Variants in LPXN observed in about 807,000 individuals in gnomAD.
LPXN encodes the protein leupaxin.
Under a neutral mutation model 45.6 loss-of-function variants are expected in LPXN, and 28 were observed. That is an observed-to-expected ratio of 0.61 (90% CI 0.45 to 0.84). The LOEUF (loss-of-function observed/expected upper bound fraction) is 0.84. Among genes scored for constraint, LPXN ranks in the 40% least tolerant of loss-of-function variants. The probability of loss-of-function intolerance (pLI) is 0.00; values close to 1 mark genes in which losing one functional copy is unlikely to be tolerated. For synonymous variants in LPXN, 166 were observed against 169.9 expected (o/e 0.98, Z 0.18); for missense variants, 459 against 475.0 (o/e 0.97, Z 0.31).
chr11:58,577,436 G>T (rs1854929686), upstream of LPXN, among the ~76,000 whole-genome samples: 2 of 152,202 alleles, frequency 1.3e-5, no homozygotes, highest in Non-Finnish European at 2.9e-5. Context: ...TGATTAATGT[G>T]AAATTTAAAA....
At chr11:58,543,452 G>C (rs904446721) in intron 7 of LPXN, among the ~76,000 whole-genome samples, 1 of 152,142 alleles carries the variant, frequency 6.6e-6, no homozygotes, top group Non-Finnish European at 1.5e-5. Context: ...CTAAAATGAA[G>C]ACTATATTAT....
intron 3 of LPXN, among the ~76,000 whole-genome samples, chr11:58,562,818 G>A (rs968171915): frequency 1.3e-5 from 2 of 152,218 alleles, no homozygotes; most frequent in East Asian, 3.9e-4. Flanking sequence ...CTTGTGGGGG[G>A]GAAATGCCCT....
intron 7 of LPXN, among the ~76,000 whole-genome samples, chr11:58,539,823 T>C (rs1376281335): frequency 1.3e-5 from 2 of 152,156 alleles, no homozygotes; most frequent in African/African-American, 4.8e-5. Context: ...TAACTGATGA[T>C]AGAAAGTTTT....
At chr11:58,527,990 AGAG>A (rs1853277597) in intron 8 of LPXN, 50 bp downstream of exon 8, 1 of 1,575,012 alleles carries the variant, frequency 6.3e-7, no homozygotes, top group African/African-American at 1.4e-5. Context: ...TTCCTCTCAG[AGAG>A]GAGAACCCTT....
intron 7 of LPXN, among the ~76,000 whole-genome samples, chr11:58,536,544 A>G (rs1853559633): frequency 6.6e-6 from 1 of 152,202 alleles, no homozygotes; most frequent in Non-Finnish European, 1.5e-5. Context: ...AAGACCTAAA[A>G]CCATAAAATT....
chr11:58,577,907 A>T, upstream of LPXN: 3 of 1,210,884 alleles, frequency 2.5e-6, no homozygotes, highest in Non-Finnish European at 3.4e-6. Context: ...AGATTTGATT[A>T]AGAGCCAACT....
intron 7 of LPXN, among the ~76,000 whole-genome samples, chr11:58,537,595 C>T (rs954220538): frequency 1.3e-5 from 2 of 151,878 alleles, no homozygotes; most frequent in African/African-American, 4.8e-5. Context: ...ACCACCATGG[C>T]ACGTGTATAC....
At chr11:58,578,639 G>A (rs532167368), upstream of LPXN, among the ~76,000 whole-genome samples, 1 of 152,192 alleles carries the variant, frequency 6.6e-6, no homozygotes, top group Non-Finnish European at 1.5e-5. Context: ...TAGGGTGGAG[G>A]CGGAAGAACG....
chr11:58,529,816 G>C (rs956981287), intron 7 of LPXN, among the ~76,000 whole-genome samples: 3 of 152,160 alleles, frequency 2.0e-5, no homozygotes, highest in African/African-American at 7.2e-5. Context: ...GGTGATTTCT[G>C]CATTTCCAAC....
intron 3 of LPXN, among the ~76,000 whole-genome samples, chr11:58,560,575 C>T (rs1332789890): frequency 6.6e-6 from 1 of 152,108 alleles, no homozygotes; most frequent in South Asian, 2.1e-4. Context: ...TCTTCTGCAA[C>T]CATAATAGGT....
At chr11:58,573,218 C>A (rs1412130023) in intron 1 of LPXN, among the ~76,000 whole-genome samples, 1 of 146,894 alleles carries the variant, frequency 6.8e-6, no homozygotes, top group Non-Finnish European at 1.5e-5. Context: ...TGCACTCCAG[C>A]CTGGGCAACA....
chr11:58,548,412 A>C (rs1853937933), intron 7 of LPXN, among the ~76,000 whole-genome samples: 1 of 152,014 alleles, frequency 6.6e-6, no homozygotes. Context: ...ATGTTGAATC[A>C]GGAGGAGGAA....
At chr11:58,553,823 T>C (rs934138723) in intron 4 of LPXN, 4 of 152,298 alleles carry the variant, frequency 2.6e-5, no homozygotes, top group Admixed American at 2.0e-4. Context: ...TTATCTGAGA[T>C]TTCCATTCCA....
At chr11:58,564,049 G>A (rs761493448) in intron 3 of LPXN, 106 bp downstream of exon 3, 2 of 698,726 alleles carry the variant, frequency 2.9e-6, no homozygotes, top group Non-Finnish European at 5.0e-6. Context: ...TGATATACGA[G>A]TTCTAATAAT....
chr11:58,566,334 T>A (rs1221647624), intron 2 of LPXN, among the ~76,000 whole-genome samples: 1 of 152,180 alleles, frequency 6.6e-6, no homozygotes, highest in Non-Finnish European at 1.5e-5. Flanking sequence ...AATCTTCTCA[T>A]TTTTTAGATT....
intron 7 of LPXN, among the ~76,000 whole-genome samples, chr11:58,535,641 T>C (rs571086841): frequency 7.9e-5 from 12 of 152,340 alleles, no homozygotes; most frequent in African/African-American, 2.9e-4. Context: ...ACCACTCATA[T>C]TCAACATAGT....
intron 3 of LPXN, among the ~76,000 whole-genome samples, chr11:58,563,117 C>T (rs1341668006): frequency 6.6e-6 from 1 of 152,196 alleles, no homozygotes; most frequent in African/African-American, 2.4e-5. Context: ...CATTCACTCG[C>T]ATTTCTACTG....
intron 7 of LPXN, among the ~76,000 whole-genome samples, chr11:58,530,441 A>G (rs1853353412): frequency 6.6e-6 from 1 of 152,200 alleles, no homozygotes; most frequent in Non-Finnish European, 1.5e-5. Flanking sequence ...CAGAAGATCA[A>G]ACTGGGTGGA....
intron 1 of LPXN, among the ~76,000 whole-genome samples, chr11:58,574,990 TGTTA>T (rs2134367351): frequency 6.6e-6 from 1 of 152,332 alleles, no homozygotes; most frequent in East Asian, 1.9e-4. Context: ...AGTGACTCAG[TGTTA>T]GTTAAGATGC....
Sources: gnomAD v4.1 joint callset for allele counts (sites outside exome capture counted in the v4.1 genomes callset) on GRCh38, gnomAD v4.1.1 for gene constraint, MANE v1.5 for transcripts, NCBI Gene and HGNC (gene_info 2026-07-23, HGNC 2026-07-21) for gene names.